The following CERT1 variants were observed in gnomAD, a reference collection of about 807,000 sequenced individuals.
The protein encoded by CERT1 is ceramide transfer protein.
A neutral mutation model predicts 87.9 loss-of-function variants in CERT1; 31 were observed. That is an observed-to-expected ratio of 0.35 (90% confidence interval 0.27 to 0.48). CERT1 has a LOEUF of 0.48. Among genes scored for constraint, CERT1 ranks in the 20% least tolerant of loss-of-function variants. The probability of loss-of-function intolerance (pLI) is 0.99; values close to 1 mark genes in which losing one functional copy is unlikely to be tolerated. For synonymous variants in CERT1, 289 were observed against 250.9 expected (o/e 1.15, Z -1.44); for missense variants, 487 against 758.0 (o/e 0.64, Z 4.20).
chr5:75,490,868 T>G (rs961176059), intron 2 of CERT1, among the ~76,000 whole-genome samples: 1 of 152,154 alleles, frequency 6.6e-6, no homozygotes, highest in Non-Finnish European at 1.5e-5. Flanking sequence ...TCTATTGTCA[T>G]TTTCTTTCAT....
intron 15 of CERT1, 51 bp downstream of exon 15, chr5:75,381,898 G>A (rs898418659): frequency 7.9e-6 from 12 of 1,522,546 alleles, no homozygotes; most frequent in Middle Eastern, 2.3e-4. Flanking sequence ...CCCGCATTGT[G>A]TATTTAGCTT....
chr5:75,424,457 A>G (rs1763516267), intron 5 of CERT1, among the ~76,000 whole-genome samples: 1 of 152,076 alleles, frequency 6.6e-6, no homozygotes, highest in African/African-American at 2.4e-5. Context: ...CTGTAATCCC[A>G]GCTACTTGGG....
At chr5:75,470,675 G>A (rs1471701342) in intron 2 of CERT1, among the ~76,000 whole-genome samples, 1 of 152,126 alleles carries the variant, frequency 6.6e-6, no homozygotes, top group Non-Finnish European at 1.5e-5. Context: ...GGGAAAAGTT[G>A]AGCTTTTTCT....
upstream of CERT1, chr5:75,511,903 C>T: frequency 1.5e-6 from 2 of 1,368,328 alleles, no homozygotes; most frequent in Admixed American, 2.2e-5. Flanking sequence ...AGTCGCGATC[C>T]TGAGGTAACG....
chr5:75,478,817 A>T (rs1412424107), intron 2 of CERT1, among the ~76,000 whole-genome samples: 1 of 150,628 alleles, frequency 6.6e-6, no homozygotes, highest in African/African-American at 2.4e-5. Flanking sequence ...ATCCAAAGCA[A>T]GCAAGGCTCC....
At chr5:75,398,324 GAT>G (rs1762337527) in intron 11 of CERT1, among the ~76,000 whole-genome samples, 1 of 152,068 alleles carries the variant, frequency 6.6e-6, no homozygotes, top group Admixed American at 6.6e-5. Context: ...TAATGATGTA[GAT>G]AACTTTTATT....
chr5:75,396,204 T>C (rs895116317), intron 11 of CERT1, among the ~76,000 whole-genome samples: 3 of 152,210 alleles, frequency 2.0e-5, no homozygotes, highest in African/African-American at 4.8e-5. Flanking sequence ...TGGGAGCTGA[T>C]ATAAATGATC....
chr5:75,381,867 G>A, intron 15 of CERT1, 82 bp downstream of exon 15: 5 of 1,240,582 alleles, frequency 4.0e-6, no homozygotes, highest in Non-Finnish European at 2.3e-6. Flanking sequence ...ATAGTGTATG[G>A]GCTGTGTTTA....
In CERT1 at chr5:75,416,749, A is replaced by G. The variant is rs557894012; in HGVS notation, c.837+127T>C. 78 of 714,174 alleles carry G rather than the reference A, an allele frequency of 1.1e-4. 1 individual carries two copies. In the South Asian group the frequency reaches 1.7e-3, roughly 15 times the overall value. 44.2% of individuals were successfully genotyped at this position (714,174 alleles called of 1,614,324 possible). ...TAGGATGCCCATAAAGCTTCAGAGT[A>G]GTAGTATCATCTGCTATTTCTATCA... On this transcript the variant is annotated intron_variant, in intron 7 of 16. Coordinates refer to ENST00000643780, the MANE Select transcript of CERT1 (RefSeq NM_001379029.1).
intron 3 of CERT1, among the ~76,000 whole-genome samples, chr5:75,448,103 T>C (rs1764631316): frequency 6.6e-6 from 1 of 152,194 alleles, no homozygotes; most frequent in Non-Finnish European, 1.5e-5. Flanking sequence ...CTTGAAAAAA[T>C]AATGTTACTA....
At chr5:75,439,939 C>A (rs1469551983) in intron 3 of CERT1, among the ~76,000 whole-genome samples, 1 of 152,036 alleles carries the variant, frequency 6.6e-6, no homozygotes, top group African/African-American at 2.4e-5. Context: ...AAGTTATAGT[C>A]TGTAGCAAAA....
At chr5:75,419,966 T>A (rs1234507466) in intron 5 of CERT1, among the ~76,000 whole-genome samples, 2 of 151,666 alleles carry the variant, frequency 1.3e-5, no homozygotes, top group African/African-American at 4.8e-5. Flanking sequence ...TTAGCTTGCC[T>A]CTAAGAGTTG....
intron 2 of CERT1, among the ~76,000 whole-genome samples, chr5:75,464,431 G>A (rs1765372348): frequency 6.6e-6 from 1 of 152,146 alleles, no homozygotes; most frequent in African/African-American, 2.4e-5. Flanking sequence ...AGAGAATAGG[G>A]TACAGGGTGC....
Position 75,469,632 on chromosome 5 carries a change from C to T in CERT1, c.232-10451G>A, listed in dbSNP as rs113320649. 6.4e-3 allele frequency among the ~76,000 whole-genome samples: 978 copies of T among 151,992 alleles called. 5 individuals are homozygous for T. Among genetic ancestry groups the T allele is most frequent in the Middle Eastern group, 0.017 (5 of 294 alleles). On this transcript the variant is annotated intron_variant, in intron 2 of 16. Coordinates refer to ENST00000643780, the MANE Select transcript of CERT1 (RefSeq NM_001379029.1). Reference sequence around the variant, plus strand: ...AAAAAATAAATATAAAGCAAGGAATCAAATGTACTATTAGAGATAATCACT... The same window carrying T: ...AAAAAATAAATATAAAGCAAGGAATTAAATGTACTATTAGAGATAATCACT...
At chr5:75,490,104 C>T (rs548069469) in intron 2 of CERT1, among the ~76,000 whole-genome samples, 3 of 152,228 alleles carry the variant, frequency 2.0e-5, no homozygotes, top group East Asian at 3.9e-4. Flanking sequence ...GAACAGAAAA[C>T]CAAACACCGT....
chr5:75,471,042 A>C (rs982387660), intron 2 of CERT1, among the ~76,000 whole-genome samples: 3 of 152,202 alleles, frequency 2.0e-5, no homozygotes, highest in Non-Finnish European at 4.4e-5. Flanking sequence ...AGGAAGTGAA[A>C]GATCTCTACA....
chr5:75,475,139 T>C (rs1765901288), intron 2 of CERT1, among the ~76,000 whole-genome samples: 1 of 152,146 alleles, frequency 6.6e-6, no homozygotes, highest in South Asian at 2.1e-4. Context: ...CTCTCAAGTC[T>C]AACCTACGAT....
intron 2 of CERT1, among the ~76,000 whole-genome samples, chr5:75,488,110 G>A (rs1766610118): frequency 6.6e-6 from 1 of 151,998 alleles, no homozygotes; most frequent in African/African-American, 2.4e-5. Context: ...AATATAGTTA[G>A]ATAGAATTAA....
chr5:75,401,721 A>G (rs754287973), intron 9 of CERT1: 5 of 152,226 alleles, frequency 3.3e-5, no homozygotes, highest in Non-Finnish European at 7.3e-5. Flanking sequence ...TAAAAAAATA[A>G]CGAAAGATAC....
Sources: gnomAD v4.1 joint callset for allele counts (sites outside exome capture counted in the v4.1 genomes callset) on GRCh38, gnomAD v4.1.1 for gene constraint, MANE v1.5 for transcripts, NCBI Gene and HGNC (gene_info 2026-07-23, HGNC 2026-07-21) for gene names.